PLA2G4E: variants seen among roughly 807,000 people sequenced by gnomAD.
PLA2G4E encodes phospholipase A2 group IVE, also known as cytosolic phospholipase A2 epsilon.
A neutral mutation model predicts 109.1 loss-of-function variants in PLA2G4E; 84 were observed. The ratio of observed to expected loss-of-function variants is 0.77; its 90% CI spans 0.65 to 0.92. The LOEUF (loss-of-function observed/expected upper bound fraction) is 0.92, where lower values mean the gene tolerates loss of function less well. Ranked by LOEUF, PLA2G4E falls within the 40% of genes least tolerant of loss-of-function variation. The probability of loss-of-function intolerance (pLI) is 0.00; values close to 1 mark genes in which losing one functional copy is unlikely to be tolerated. For missense variants in PLA2G4E, 1,057 were observed against 1,076.6 expected (o/e 0.98, Z 0.25); for synonymous variants, 469 against 436.1 (o/e 1.08, Z -0.94).
chr15:42,016,833 T>C (rs1054071664), intron 1 of PLA2G4E, among the ~76,000 whole-genome samples: 1 of 152,250 alleles, frequency 6.6e-6, no homozygotes, highest in Non-Finnish European at 1.5e-5. Context: ...TCATGGTCAA[T>C]AACTTGCTCT....
intron 1 of PLA2G4E, among the ~76,000 whole-genome samples, chr15:42,044,681 GC>G (rs1176408289): frequency 6.6e-6 from 1 of 151,338 alleles, no homozygotes; most frequent in Admixed American, 6.6e-5. Flanking sequence ...TATACCTAAT[GC>G]TAAATGATGA....
At chr15:42,011,694 C>T (rs904382313) in intron 2 of PLA2G4E, among the ~76,000 whole-genome samples, 2 of 151,962 alleles carry the variant, frequency 1.3e-5, no homozygotes, top group African/African-American at 4.8e-5. Flanking sequence ...TGAGCCACTG[C>T]ACTCCAGCCT....
exon 14 of PLA2G4E, chr15:41,990,207 C>G (rs553176844): frequency 1.2e-6 from 2 of 1,613,640 alleles, no homozygotes; most frequent in African/African-American, 1.3e-5. Flanking sequence ...CAAAGCAGCA[C>G]GCTGATCTGA....
At chr15:42,022,275 A>G (rs1466826940) in intron 1 of PLA2G4E, among the ~76,000 whole-genome samples, 5 of 152,098 alleles carry the variant, frequency 3.3e-5, no homozygotes, top group Admixed American at 6.5e-5. Flanking sequence ...CTTCCTTCAC[A>G]TTTGTGAAGA....
exon 20 of PLA2G4E, chr15:41,983,413 G>A: frequency 3.5e-6 from 1 of 289,852 alleles, no homozygotes; most frequent in Non-Finnish European, 6.4e-6. Flanking sequence ...GCCAGCCCTG[G>A]GCTCTGCCTC....
intron 3 of PLA2G4E, 96 bp from the exon 4 acceptor site, chr15:42,006,217 G>T: frequency 1.3e-6 from 2 of 1,500,280 alleles, no homozygotes; most frequent in Non-Finnish European, 9.1e-7. Flanking sequence ...AAGGAGGTAG[G>T]TCTGGGGGAT....
At chr15:42,009,522 C>T (rs1303419481) in intron 2 of PLA2G4E, among the ~76,000 whole-genome samples, 4 of 152,258 alleles carry the variant, frequency 2.6e-5, no homozygotes, top group Middle Eastern at 3.4e-3. Flanking sequence ...CCAGGGGCTC[C>T]CTTCTGCCCT....
chr15:42,005,658 G>A (rs1209925652), intron 4 of PLA2G4E, among the ~76,000 whole-genome samples: 2 of 152,272 alleles, frequency 1.3e-5, no homozygotes, highest in Non-Finnish European at 1.5e-5. Flanking sequence ...GGAAGAAAAG[G>A]AGGGAAGGGA....
intron 9 of PLA2G4E, among the ~76,000 whole-genome samples, 161 bp from the exon 10 acceptor site, chr15:41,999,722 A>G (rs1191972243): frequency 6.6e-6 from 1 of 151,894 alleles, no homozygotes; most frequent in African/African-American, 2.4e-5. Context: ...ACCATCTTCA[A>G]CTCAGCCTCC....
At chr15:41,984,714 CT>C in intron 18 of PLA2G4E, 95 bp from the exon 19 acceptor site, 1 of 1,197,320 alleles carries the variant, frequency 8.4e-7, no homozygotes, top group Non-Finnish European at 1.1e-6. Context: ...ATTTCCCCAG[CT>C]AACAACTCAG....
intron 1 of PLA2G4E, among the ~76,000 whole-genome samples, chr15:42,016,424 G>C (rs2068596016): frequency 6.6e-6 from 1 of 151,804 alleles, no homozygotes; most frequent in Non-Finnish European, 1.5e-5. Flanking sequence ...TGCAACCTCT[G>C]CCTCCCAGGT....
intron 19 of PLA2G4E, 43 bp from the exon 20 acceptor site, chr15:41,984,017 G>C (rs375738748): frequency 1.6e-4 from 245 of 1,529,958 alleles, no homozygotes; most frequent in Non-Finnish European, 2.1e-4. Context: ...TGTCATGTTA[G>C]GTTGGAATGA....
intron 1 of PLA2G4E, among the ~76,000 whole-genome samples, chr15:42,033,107 G>A (rs547552988): frequency 6.6e-6 from 1 of 152,260 alleles, no homozygotes; most frequent in South Asian, 2.1e-4. Flanking sequence ...TGTGTGTGTT[G>A]TGTGAGAGTA....
intron 16 of PLA2G4E, 77 bp downstream of exon 16, chr15:41,987,972 G>A (rs1021954815): frequency 1.1e-4 from 99 of 870,270 alleles, no homozygotes; most frequent in African/African-American, 5.2e-5. Context: ...GCCGGGGGCC[G>A]CCCCCCATCA....
exon 15 of PLA2G4E, chr15:41,989,415 C>G: frequency 1.9e-6 from 3 of 1,613,960 alleles, no homozygotes; most frequent in Non-Finnish European, 2.5e-6. Context: ...AGGCAGTCAC[C>G]TAGCATGTAG....
chr15:42,042,369 G>A (rs889351209), intron 1 of PLA2G4E, among the ~76,000 whole-genome samples: 7 of 146,834 alleles, frequency 4.8e-5, no homozygotes, highest in African/African-American at 1.8e-4. Flanking sequence ...GATGTTATTG[G>A]CAATGTTTAT....
chr15:42,025,236 G>GAAAT lies in PLA2G4E; in HGVS notation c.184-11480_184-11479insATTT, dbSNP rs56921601. ...AAAAAGGAAAAGAAAAGAAAAGAAA[G>GAAAT]AAAGAGGAAAGAAACATGAAAGGTG... On this transcript the variant is annotated intron_variant, in intron 1 of 19. Transcript: ENST00000399518. 7.1e-4 allele frequency among the ~76,000 whole-genome samples: 107 copies of GAAAT among 151,592 alleles called. No homozygotes were observed. In the East Asian group the frequency reaches 0.016, roughly 23 times the overall value.
chr15:42,014,345 A>T (rs998942216), intron 1 of PLA2G4E, among the ~76,000 whole-genome samples: 10 of 152,220 alleles, frequency 6.6e-5, no homozygotes, highest in Non-Finnish European at 2.9e-5. Flanking sequence ...GTGCTAATAC[A>T]TGTTCATTAA....
intron 1 of PLA2G4E, among the ~76,000 whole-genome samples, chr15:42,048,632 T>C (rs76890957): frequency 2.1e-3 from 315 of 152,228 alleles, no homozygotes; most frequent in African/African-American, 7.5e-3. Context: ...GGTAAAGTCA[T>C]AGTGATAACA....
Sources: gnomAD v4.1 joint callset for allele counts (sites outside exome capture counted in the v4.1 genomes callset) on GRCh38, gnomAD v4.1.1 for gene constraint, MANE v1.5 for transcripts, NCBI Gene and HGNC (gene_info 2026-07-23, HGNC 2026-07-21) for gene names.